Variants in SREK1IP1 observed in about 807,000 individuals in gnomAD.
The protein encoded by SREK1IP1 is SREK1 interacting protein 1, also known as protein SREK1IP1.
Under a neutral mutation model 22.8 loss-of-function variants are expected in SREK1IP1, and 12 were observed. The ratio of observed to expected loss-of-function variants is 0.53; its 90% CI spans 0.34 to 0.85. The LOEUF is 0.85. Ranked by LOEUF, SREK1IP1 falls within the 40% of genes least tolerant of loss-of-function variation. The pLI, the probability that SREK1IP1 is intolerant of heterozygous loss-of-function variation, is 0.02. For missense variants in SREK1IP1, 147 were observed against 171.8 expected (o/e 0.86, Z 0.81); for synonymous variants, 53 against 52.7 (o/e 1.01, Z -0.02).
chr5:64,751,000 G>C (rs1478177855), intron 2 of SREK1IP1, among the ~76,000 whole-genome samples: 1 of 152,112 alleles, frequency 6.6e-6, no homozygotes, highest in Non-Finnish European at 1.5e-5. Flanking sequence ...TGAAAATGGA[G>C]ACTACATTGG....
intron 1 of SREK1IP1, among the ~76,000 whole-genome samples, chr5:64,756,904 G>A (rs529759796): frequency 6.6e-6 from 1 of 152,034 alleles, no homozygotes; most frequent in Non-Finnish European, 1.5e-5. Context: ...GGGATTACAG[G>A]TATTATTCCA....
intron 2 of SREK1IP1, among the ~76,000 whole-genome samples, chr5:64,749,349 A>C (rs1199443886): frequency 6.6e-6 from 1 of 152,052 alleles, no homozygotes. Flanking sequence ...AACCCAGTTC[A>C]TTCCACCAAG....
chr5:64,740,881 A>G (rs940255218), intron 3 of SREK1IP1, among the ~76,000 whole-genome samples, 176 bp downstream of exon 3: 1 of 152,148 alleles, frequency 6.6e-6, no homozygotes, highest in African/African-American at 2.4e-5. Flanking sequence ...CTGGATCTGT[A>G]ATTGCTTAGC....
At chr5:64,730,716 G>C (rs1178603465) in intron 3 of SREK1IP1, among the ~76,000 whole-genome samples, 1 of 152,110 alleles carries the variant, frequency 6.6e-6, no homozygotes, top group South Asian at 2.1e-4. Context: ...AAGTGGGAAA[G>C]GTATAAAATA....
rs938776584 is a variant in SREK1IP1, at chr5:64,755,831, T to TTA, written c.14-1471_14-1470dup. The stretch of plus-strand genomic sequence containing the variant: ...GCCTGTCCCTCAAATGTAAAATAAT[T>TTA]TATATATATATGTATATATATACAC... On this transcript the variant is annotated intron_variant, in intron 1 of 4. Coordinates refer to ENST00000513458, the MANE Select transcript of SREK1IP1 (RefSeq NM_173829.4). Among the ~76,000 whole-genome samples the TTA allele has an allele frequency of 2.0e-4, 30 of 151,810 alleles. 1 individual carries two copies. Among genetic ancestry groups the TTA allele is most frequent in the Admixed American group, 1.2e-3 (19 of 15,232 alleles).
chr5:64,754,420 C>T (rs1742802262), intron 1 of SREK1IP1, 58 bp from the exon 2 acceptor site: 1 of 1,520,480 alleles, frequency 6.6e-7, no homozygotes, highest in Non-Finnish European at 9.0e-7. Flanking sequence ...AACTTAAAAA[C>T]TTTATTGTAT....
At chr5:64,759,548 A>C (rs1324418985) in intron 1 of SREK1IP1, among the ~76,000 whole-genome samples, 1 of 152,210 alleles carries the variant, frequency 6.6e-6, no homozygotes, top group African/African-American at 2.4e-5. Context: ...AATGGCAAAA[A>C]CCACCAAAAG....
intron 2 of SREK1IP1, among the ~76,000 whole-genome samples, chr5:64,745,470 T>C (rs569923071): frequency 1.3e-5 from 2 of 152,226 alleles, no homozygotes; most frequent in East Asian, 1.9e-4. Flanking sequence ...ATGCCTGTAA[T>C]TCCAGCTACT....
In SREK1IP1 at chr5:64,741,047, T is replaced by C. The variant is rs1742542801; in HGVS notation, c.205+10A>G. On this transcript the variant is annotated intron_variant, in intron 3 of 4. Coordinates refer to ENST00000513458, the MANE Select transcript of SREK1IP1 (RefSeq NM_173829.4). ...AACATTTCTAAAGAATGGAAAAAAA[T>C]ATTGCTTACTTTTTTCCTGTAATGC... is the stretch of plus-strand genomic sequence containing the variant. The C allele has an allele frequency of 1.9e-6, 3 of 1,606,682 alleles. No homozygotes were observed. The East Asian group carries it at 6.7e-5, about 36-fold the overall frequency.
rs890596685 is a variant in SREK1IP1 at position 64,746,852 on chromosome 5, G to A, written c.62-5652C>T. On this transcript the variant is annotated intron_variant, in intron 2 of 4. Coordinates refer to ENST00000513458, the MANE Select transcript of SREK1IP1 (RefSeq NM_173829.4). ...TATTCCCATTTCTGATGCCTATAGCGAGTCTAGGCCACCCATACTTCTGAC... is the reference window on the plus strand; with the variant it reads ...TATTCCCATTTCTGATGCCTATAGCAAGTCTAGGCCACCCATACTTCTGAC... Among the ~76,000 whole-genome samples the A allele has an allele frequency of 3.3e-5, 5 of 152,104 alleles. 1 individual carries two copies. The highest frequency in any genetic ancestry group is 1.2e-4 in the African/African-American group (5 of 41,420).
intron 2 of SREK1IP1, among the ~76,000 whole-genome samples, chr5:64,742,011 G>A (rs11738419): frequency 0.061 from 9,072 of 149,400 alleles, 538 homozygotes; most frequent in East Asian, 0.31. Flanking sequence ...GTCCTCTGAA[G>A]CAACTGCACT....
At chr5:64,731,152 A>G (rs939309053) in intron 3 of SREK1IP1, among the ~76,000 whole-genome samples, 2 of 152,132 alleles carry the variant, frequency 1.3e-5, no homozygotes, top group African/African-American at 4.8e-5. Flanking sequence ...AGAGACAGAA[A>G]AGATCATTTT....
chr5:64,752,148 T>G (rs1178978045), intron 2 of SREK1IP1, among the ~76,000 whole-genome samples: 19 of 133,158 alleles, frequency 1.4e-4, no homozygotes, highest in Middle Eastern at 3.7e-3. Flanking sequence ...TTTTGTGTGT[T>G]TTTTTTTTTT....
chr5:64,748,042 T>C (rs970761113), intron 2 of SREK1IP1, among the ~76,000 whole-genome samples: 16 of 152,218 alleles, frequency 1.1e-4, no homozygotes, highest in South Asian at 4.1e-4. Context: ...CAGATACTCG[T>C]ACATCAACAT....
At chr5:64,767,368 G>C (rs1260540474) in intron 1 of SREK1IP1, among the ~76,000 whole-genome samples, 2 of 152,168 alleles carry the variant, frequency 1.3e-5, no homozygotes, top group African/African-American at 4.8e-5. Context: ...TCTAAGTTCT[G>C]TGTGAAGCGT....
At chr5:64,752,253 G>A (rs987611384) in intron 2 of SREK1IP1, among the ~76,000 whole-genome samples, 3 of 144,704 alleles carry the variant, frequency 2.1e-5, no homozygotes, top group Non-Finnish European at 4.5e-5. Context: ...CCGGGTTCAC[G>A]CCATTCTCCT....
chr5:64,764,863 G>A (rs1743009553), intron 1 of SREK1IP1, among the ~76,000 whole-genome samples: 1 of 152,190 alleles, frequency 6.6e-6, no homozygotes. Flanking sequence ...AAAATTGGAT[G>A]TAATTGAGAA....
intron 3 of SREK1IP1, among the ~76,000 whole-genome samples, chr5:64,738,775 T>A (rs1742507967): frequency 6.6e-6 from 1 of 152,104 alleles, no homozygotes; most frequent in Non-Finnish European, 1.5e-5. Flanking sequence ...TATATCCACA[T>A]ACAAAAGAAT....
chr5:64,728,999 T>C (rs944142694), intron 3 of SREK1IP1, among the ~76,000 whole-genome samples: 6 of 152,118 alleles, frequency 3.9e-5, no homozygotes, highest in African/African-American at 1.4e-4. Flanking sequence ...GAGACTAGGC[T>C]GGACAACATG....
Sources: gnomAD v4.1 joint callset for allele counts (sites outside exome capture counted in the v4.1 genomes callset) on GRCh38, gnomAD v4.1.1 for gene constraint, MANE v1.5 for transcripts, NCBI Gene and HGNC (gene_info 2026-07-23, HGNC 2026-07-21) for gene names.